ADARB1: variants seen among roughly 807,000 people sequenced by gnomAD.
ADARB1 encodes double-stranded RNA-specific editase 1.
Under a neutral mutation model 52.4 loss-of-function variants are expected in ADARB1, and 10 were observed. The ratio of observed to expected loss-of-function variants is 0.19; its 90% CI spans 0.12 to 0.32. The LOEUF (loss-of-function observed/expected upper bound fraction) is 0.32, where lower values mean the gene tolerates loss of function less well. Among genes scored for constraint, ADARB1 ranks in the 10% least tolerant of loss-of-function variants. The pLI is 1.00. For synonymous variants in ADARB1, 349 were observed against 371.1 expected (o/e 0.94, Z 0.68); for missense variants, 643 against 922.3 (o/e 0.70, Z 3.92).
chr21:45,098,580 CCA>C (rs1421068485), intron 1 of ADARB1, among the ~76,000 whole-genome samples: 1 of 152,210 alleles, frequency 6.6e-6, no homozygotes, highest in Admixed American at 6.5e-5. Context: ...TGAATCATCC[CCA>C]CCCTGCCTCT....
chr21:45,184,859 G>A (rs1478277171), intron 7 of ADARB1, 64 bp from the exon 8 acceptor site: 1 of 1,478,608 alleles, frequency 6.8e-7, no homozygotes, highest in South Asian at 1.3e-5. Context: ...TGTTAGATGT[G>A]CTTTTCAATA....
At chr21:45,159,794 C>T (rs1368472585) in intron 2 of ADARB1, among the ~76,000 whole-genome samples, 2 of 152,164 alleles carry the variant, frequency 1.3e-5, no homozygotes, top group Admixed American at 6.5e-5. Flanking sequence ...GGGGGCTGCT[C>T]CCCATGGGAG....
chr21:45,075,475 G>T (rs1473735317), intron 1 of ADARB1, among the ~76,000 whole-genome samples: 1 of 152,218 alleles, frequency 6.6e-6, no homozygotes, highest in Non-Finnish European at 1.5e-5. Flanking sequence ...TTCCGAGGGC[G>T]CAGTGTCCGC....
Position 45,157,643 on chromosome 21 carries a change from G to A in ADARB1, c.-47-13967G>A, listed in dbSNP as rs369779472. On this transcript the variant is annotated intron_variant, in intron 2 of 10. Transcript: ENST00000348831. This position sits in a 1 kb window ranked among gnomAD's most constrained non-coding sequence, Gnocchi z 4.1. ...TGCCTGACTGAGGCGGGAAACAAGC[G>A]TGTGGATCAGTGTGGCTCTGTATGT... 3.9e-4 allele frequency among the ~76,000 whole-genome samples: 60 copies of A among 152,302 alleles called. No homozygotes were observed. Among genetic ancestry groups the A allele is most frequent in the Non-Finnish European group, 6.6e-4 (45 of 68,034 alleles).
At chr21:45,195,932 A>G (rs1015078146) in intron 8 of ADARB1, among the ~76,000 whole-genome samples, 10 of 152,320 alleles carry the variant, frequency 6.6e-5, no homozygotes, top group African/African-American at 2.2e-4. Flanking sequence ...GTTCATCAAT[A>G]TCTACAAAAT....
intron 1 of ADARB1, among the ~76,000 whole-genome samples, chr21:45,112,272 G>A (rs2087576190): frequency 6.6e-6 from 1 of 152,138 alleles, no homozygotes; most frequent in African/African-American, 2.4e-5. Flanking sequence ...GATAGAAATT[G>A]ACTCATCATT....
At chr21:45,086,468 C>A (rs2086348839) in intron 1 of ADARB1, among the ~76,000 whole-genome samples, 1 of 152,156 alleles carries the variant, frequency 6.6e-6, no homozygotes, top group Non-Finnish European at 1.5e-5. Flanking sequence ...TCAAATGTTC[C>A]CTGTGCTTGT....
chr21:45,085,394 G>T (rs1391322644), intron 1 of ADARB1, among the ~76,000 whole-genome samples: 1 of 152,186 alleles, frequency 6.6e-6, no homozygotes, highest in Non-Finnish European at 1.5e-5. Context: ...ATTTCACTTG[G>T]TTTAGACCTA....
chr21:45,171,843 CTGCAACAGG>C, intron 3 of ADARB1, 159 bp downstream of exon 3: 1 of 647,574 alleles, frequency 1.5e-6, no homozygotes, highest in East Asian at 3.0e-5. Context: ...GGTGTGTTCT[CTGCAACAGG>C]TGTCAGAATT....
At chr21:45,084,272 T>C (rs1298456616) in intron 1 of ADARB1, among the ~76,000 whole-genome samples, 1 of 152,250 alleles carries the variant, frequency 6.6e-6, no homozygotes, top group Non-Finnish European at 1.5e-5. Flanking sequence ...AACCTATGTG[T>C]AGTCCTGTCT....
At chr21:45,083,093 C>T (rs759708317) in intron 1 of ADARB1, among the ~76,000 whole-genome samples, 1 of 152,226 alleles carries the variant, frequency 6.6e-6, no homozygotes, top group Non-Finnish European at 1.5e-5. Context: ...CCCACACAGC[C>T]TGCCTGGCCA....
intron 1 of ADARB1, among the ~76,000 whole-genome samples, chr21:45,113,169 A>T (rs1400933534): frequency 6.6e-6 from 1 of 152,134 alleles, no homozygotes; most frequent in Non-Finnish European, 1.5e-5. Flanking sequence ...TCACGCCTGT[A>T]ATTCCAGCAC....
At chr21:45,197,329 G>T (rs1240512306) in intron 8 of ADARB1, among the ~76,000 whole-genome samples, 1 of 152,060 alleles carries the variant, frequency 6.6e-6, no homozygotes, top group African/African-American at 2.4e-5. Context: ...GTGAAACCCT[G>T]TCTCTACTAA....
At chr21:45,107,119 C>A (rs1363439902) in intron 1 of ADARB1, among the ~76,000 whole-genome samples, 2 of 151,932 alleles carry the variant, frequency 1.3e-5, no homozygotes, top group Non-Finnish European at 2.9e-5. Flanking sequence ...AAGAGACAAC[C>A]CCATTAACAA....
In ADARB1 at chr21:45,204,497, G is replaced by T. The variant is rs2032354561; in HGVS notation, c.1566-58G>T. 1.3e-6 allele frequency: 2 copies of T among 1,555,954 alleles called. No homozygotes were observed. Among genetic ancestry groups the T allele is most frequent in the Non-Finnish European group, 1.8e-6 (2 of 1,136,416 alleles). On this transcript the variant is annotated intron_variant, in intron 8 of 10. Coordinates refer to ENST00000348831, the MANE Select transcript of ADARB1 (RefSeq NM_001112.4). The surrounding 1 kb of genome is among the most constrained non-coding windows in gnomAD (Gnocchi z 4.4). ...CCCTGTAACCACGCAGGCTTGGGCTGGGCTGCGTCGACACTGAGTCCGAGC... is the reference window on the plus strand; with the variant it reads ...CCCTGTAACCACGCAGGCTTGGGCTTGGCTGCGTCGACACTGAGTCCGAGC...
At chr21:45,151,335 A>G (rs975494788) in intron 2 of ADARB1, among the ~76,000 whole-genome samples, 1 of 152,270 alleles carries the variant, frequency 6.6e-6, no homozygotes, top group Non-Finnish European at 1.5e-5. Flanking sequence ...ATTGCTTAAT[A>G]TGGCATAATT....
rs1382959400 is a variant in ADARB1, at chr21:45,221,767, C to T, written c.1927-251C>T. On this transcript the variant is annotated intron_variant, in intron 10 of 10. Coordinates refer to ENST00000348831, the MANE Select transcript of ADARB1 (RefSeq NM_001112.4). The surrounding 1 kb of genome is among the most constrained non-coding windows in gnomAD (Gnocchi z 4.9). Reference sequence around the variant, plus strand: ...TATTGGTGGTTTCCCAGAAGCATGTCTTCAGAACTCGGGGGTCTGTAGCTG... The same window carrying T: ...TATTGGTGGTTTCCCAGAAGCATGTTTTCAGAACTCGGGGGTCTGTAGCTG... 6.6e-6 allele frequency among the ~76,000 whole-genome samples: 1 copy of T among 152,194 alleles called. No homozygotes were observed. The highest frequency in any genetic ancestry group is 2.4e-5 in the African/African-American group (1 of 41,442).
intron 1 of ADARB1, among the ~76,000 whole-genome samples, chr21:45,109,374 G>A (rs1024958146): frequency 2.0e-5 from 3 of 152,264 alleles, no homozygotes; most frequent in Admixed American, 2.0e-4. Context: ...TGGCACCACC[G>A]AGTTGTCATG....
intron 1 of ADARB1, among the ~76,000 whole-genome samples, chr21:45,103,340 C>T (rs2087108579): frequency 6.6e-6 from 1 of 151,802 alleles, no homozygotes; most frequent in Admixed American, 6.6e-5. Flanking sequence ...GGGATGATTC[C>T]AGCGCGTTAC....
Sources: allele counts gnomAD v4.1 joint callset (sites outside exome capture counted in the v4.1 genomes callset), GRCh38; gene constraint gnomAD v4.1.1; non-coding constraint Gnocchi (gnomAD v3.1); transcripts MANE v1.5; gene names NCBI Gene and HGNC (gene_info 2026-07-23, HGNC 2026-07-21).